NAV3: variants seen among roughly 807,000 people sequenced by gnomAD.
NAV3 encodes pore membrane and/or filament interacting like protein 1.
NAV3 carries 87 observed loss-of-function variants against 244.7 expected under a neutral mutation model. The observed-to-expected ratio is 0.36, with a 90% confidence interval of 0.30 to 0.42. NAV3 has a LOEUF of 0.42. Ranked by LOEUF, NAV3 falls within the 20% of genes least tolerant of loss-of-function variation. The pLI, the probability that NAV3 is intolerant of heterozygous loss-of-function variation, is 1.00. For missense variants in NAV3, 2,663 were observed against 2,893.3 expected (o/e 0.92, Z 1.83); for synonymous variants, 1,126 against 1,042.2 (o/e 1.08, Z -1.55).
intron 2 of NAV3, among the ~76,000 whole-genome samples, chr12:77,692,253 T>C (rs992003223): frequency 3.9e-5 from 6 of 152,086 alleles, no homozygotes; most frequent in Admixed American, 2.0e-4. Context: ...ATTTTAATGT[T>C]CCATGAGGAA....
chr12:77,771,128 G>T (rs1870059549), intron 2 of NAV3, among the ~76,000 whole-genome samples: 1 of 152,158 alleles, frequency 6.6e-6, no homozygotes, highest in Admixed American at 6.5e-5. Context: ...CTTCTCAAAA[G>T]AAGACATTTA....
rs770990151 is a variant in NAV3 at position 78,160,410 on chromosome 12, T to TGTGTGCGTGC, written c.4869+1129_4869+1130insCGTGCGTGTG. 3.7e-3 allele frequency among the ~76,000 whole-genome samples: 479 copies of TGTGTGCGTGC among 127,908 alleles called. 1 individual carries two copies. Among genetic ancestry groups the TGTGTGCGTGC allele is most frequent in the Non-Finnish European group, 6.3e-3 (363 of 57,466 alleles). The allele number at this position is 127,908 out of a possible 152,430, so 83.9% of individuals were successfully genotyped here. A position where few individuals can be genotyped will look rare whatever the true frequency, so the allele number is the denominator to read the frequency against. ...GTGTGTGTGTGTGTGCGTGCGTGTG[T>TGTGTGCGTGC]GTGTGTGTGTGTGTATGAAAACTGT... On this transcript the variant is annotated intron_variant, in intron 23 of 39. Coordinates refer to ENST00000397909, the MANE Select transcript of NAV3 (RefSeq NM_001024383.2).
Position 78,205,156 on chromosome 12 carries a change from A to G in NAV3, c.7038+18A>G, listed in dbSNP as rs764149589. The G allele has an allele frequency of 6.2e-6, 10 of 1,606,844 alleles. No homozygotes were observed. Among genetic ancestry groups the G allele is most frequent in the Non-Finnish European group, 8.5e-6 (10 of 1,175,154 alleles). ...ATCCCCTGGTAAGAATCAGATGTTC[A>G]TTTCTTCCTATGTAATCTTGACTAC... is the stretch of plus-strand genomic sequence containing the variant. On this transcript the variant is annotated intron_variant, in intron 39 of 39. Transcript: ENST00000397909.
At chr12:77,740,841 AG>A (rs1467756326) in intron 2 of NAV3, among the ~76,000 whole-genome samples, 1 of 152,118 alleles carries the variant, frequency 6.6e-6, no homozygotes, top group Non-Finnish European at 1.5e-5. Context: ...GTGATGAATT[AG>A]AAGTGGAAAA....
At position 77,831,445 on chromosome 12, in the gene NAV3, A is replaced by G; in HGVS notation, c.-17A>G. On this transcript the variant is annotated 5_prime_UTR_variant, in exon 1 of 40. Transcript: ENST00000397909. The stretch of plus-strand genomic sequence containing the variant: ...AAGCATTTTCTTTGGCAGCAAGAAG[A>G]TAATTTTATAGAAGCCATGCCTGTT... 1.3e-6 allele frequency: 2 copies of G among 1,570,936 alleles called. No homozygotes were observed. Among genetic ancestry groups the G allele is most frequent in the Non-Finnish European group, 1.7e-6 (2 of 1,162,052 alleles).
intron 2 of NAV3, among the ~76,000 whole-genome samples, chr12:77,751,718 T>C (rs1868866164): frequency 1.3e-5 from 2 of 152,216 alleles, no homozygotes; most frequent in Admixed American, 6.5e-5. Flanking sequence ...GACTAATACA[T>C]ACATTGTTCC....
chr12:77,616,771 T>C (rs1413213688), intron 2 of NAV3, among the ~76,000 whole-genome samples: 2 of 151,986 alleles, frequency 1.3e-5, no homozygotes, highest in African/African-American at 2.4e-5. Context: ...TATTAAAATA[T>C]GCTCCATGCA....
intron 23 of NAV3, among the ~76,000 whole-genome samples, chr12:78,167,934 A>G (rs1489880329): frequency 6.6e-6 from 1 of 151,696 alleles, no homozygotes; most frequent in Non-Finnish European, 1.5e-5. Context: ...AAAATAATTC[A>G]CTTAAATAAT....
rs189863554 is a variant in NAV3, at chr12:78,125,135, G to C, written c.4239-2032G>C. On this transcript the variant is annotated intron_variant, in intron 16 of 39. Transcript: ENST00000397909. ...AGTGGGTGATACTGGCTTCATTATG[G>C]TTAATTAATTGATCAGTAGAATGTC... 3.3e-5 allele frequency among the ~76,000 whole-genome samples: 5 copies of C among 152,166 alleles called. No homozygotes were observed. The East Asian group carries it at 9.6e-4, about 29-fold the overall frequency.
intron 8 of NAV3, among the ~76,000 whole-genome samples, chr12:78,021,506 T>G (rs1476870307): frequency 6.6e-6 from 1 of 152,164 alleles, no homozygotes; most frequent in Non-Finnish European, 1.5e-5. Flanking sequence ...TATTGGTAGT[T>G]ATAAGCTTCC....
At chr12:77,612,920 T>G (rs1870981664) in intron 2 of NAV3, among the ~76,000 whole-genome samples, 1 of 152,050 alleles carries the variant, frequency 6.6e-6, no homozygotes, top group South Asian at 2.1e-4. Flanking sequence ...ATCTGATGGT[T>G]TTATAAGGGG....
chr12:78,130,364 A>C (rs1468235281), intron 18 of NAV3: 2 of 219,920 alleles, frequency 9.1e-6, no homozygotes, highest in African/African-American at 2.3e-5. Flanking sequence ...CTCTGGTTTG[A>C]TCTTCCTAGC....
chr12:77,803,573 T>C (rs1383085544), intron 2 of NAV3, among the ~76,000 whole-genome samples: 1 of 152,206 alleles, frequency 6.6e-6, no homozygotes, highest in African/African-American at 2.4e-5. Flanking sequence ...TTGTGAATAG[T>C]GCTGTAATAA....
At chr12:77,968,777 C>A (rs2137999775) in intron 5 of NAV3, 75 bp downstream of exon 5, 1 of 1,425,860 alleles carries the variant, frequency 7.0e-7, no homozygotes, top group Non-Finnish European at 9.6e-7. Context: ...AATTATTGTC[C>A]ATGAGTTTGA....
chr12:77,915,467 G>C (rs1355567233), intron 1 of NAV3, among the ~76,000 whole-genome samples: 1 of 151,712 alleles, frequency 6.6e-6, no homozygotes, highest in African/African-American at 2.4e-5. Flanking sequence ...AATTATTGTT[G>C]AACGTTTGAC....
chr12:77,753,354 G>A (rs1346853493), intron 2 of NAV3, among the ~76,000 whole-genome samples: 1 of 151,980 alleles, frequency 6.6e-6, no homozygotes, highest in African/African-American at 2.4e-5. Flanking sequence ...CACAGTAAAT[G>A]TTCCCTTTAA....
intron 2 of NAV3, among the ~76,000 whole-genome samples, chr12:77,781,374 A>C (rs1304845403): frequency 6.6e-6 from 1 of 152,184 alleles, no homozygotes; most frequent in Non-Finnish European, 1.5e-5. Context: ...GAAGACTGCT[A>C]CCTGGATGCT....
intron 2 of NAV3, among the ~76,000 whole-genome samples, chr12:77,817,238 C>A (rs1160723486): frequency 3.3e-5 from 5 of 152,210 alleles, no homozygotes; most frequent in Admixed American, 6.5e-5. Context: ...TGAGAGCAAG[C>A]AAGCTTTAAG....
intron 27 of NAV3, 108 bp downstream of exon 27, chr12:78,177,421 C>T (rs759426156): frequency 3.0e-5 from 39 of 1,301,032 alleles, no homozygotes; most frequent in Non-Finnish European, 4.0e-5. Context: ...TCAGATTTTT[C>T]TGAGAATGAT....
Sources: allele counts gnomAD v4.1 joint callset (sites outside exome capture counted in the v4.1 genomes callset), GRCh38; gene constraint gnomAD v4.1.1; transcripts MANE v1.5; gene names NCBI Gene and HGNC (gene_info 2026-07-23, HGNC 2026-07-21).